The following SAMM50 variants were observed in gnomAD, a reference collection of about 807,000 sequenced individuals.
SAMM50 encodes SAMM50 sorting and assembly machinery component.
Under a neutral mutation model 66.9 loss-of-function variants are expected in SAMM50, and 47 were observed. The ratio of observed to expected loss-of-function variants is 0.70; its 90% CI spans 0.56 to 0.90. SAMM50 has a LOEUF of 0.90. Among genes scored for constraint, SAMM50 ranks in the 40% least tolerant of loss-of-function variants. The probability of loss-of-function intolerance (pLI) is 0.00; values close to 1 mark genes in which losing one functional copy is unlikely to be tolerated. For missense variants in SAMM50, 535 were observed against 595.3 expected, an observed-to-expected ratio of 0.90 and a Z score of 1.05; for synonymous variants, 191 against 214.1, an observed-to-expected ratio of 0.89 and a Z score of 0.94.
chr22:43,967,421 C>T (rs1310465992), intron 3 of SAMM50, among the ~76,000 whole-genome samples: 2 of 152,232 alleles, frequency 1.3e-5, no homozygotes, highest in Non-Finnish European at 2.9e-5. Flanking sequence ...CAGTGCTAAG[C>T]GCCGAGCTGC....
chr22:43,965,444 G>T (rs1043903097), intron 3 of SAMM50, among the ~76,000 whole-genome samples: 3 of 152,086 alleles, frequency 2.0e-5, no homozygotes, highest in African/African-American at 7.2e-5. Flanking sequence ...TTGGCCTCAA[G>T]TGATCCACCT....
Position 43,990,341 on chromosome 22 carries a change from G to T in SAMM50, c.1299G>T (p.Arg433Ser). The change falls in exon 14 of 15, where the codon AGG (arginine) becomes AGT (serine). Residue 433 changes from arginine (R) to serine (S), a missense_variant. Physicochemically the swap from Arg to Ser is moderately radical, Grantham distance 110. Transcript: ENST00000350028. The stretch of plus-strand genomic sequence containing the variant: ...CGTACGGGGCCGGGATTGTCCTCAG[G>T]CTTGGCAACATCGCTCGGTTGGAAC... ...RWSYGAGIVL[R>S]LGNIARLELN... is the part of the protein sequence containing the mutation. The T allele has an allele frequency of 6.2e-7, 1 of 1,614,160 alleles. No homozygotes were observed. Among genetic ancestry groups the T allele is most frequent in the Non-Finnish European group, 8.5e-7 (1 of 1,180,032 alleles).
Position 43,977,943 on chromosome 22 carries a change from A to C in SAMM50, c.921A>C (p.Gln307His), listed in dbSNP as rs755260870. Residue 307 changes from glutamine (Q) to histidine (H), a missense_variant, in exon 10 of 15, where the codon CAA (glutamine) becomes CAC (histidine). Coordinates refer to ENST00000350028, the MANE Select transcript of SAMM50 (RefSeq NM_015380.5). ...ATTTTGAACTTCAGTTGAACAAGCA[A>C]CTCATATTTGATTCAGTGAGTATCT... Reference protein sequence around the residue: ...KEDFELQLNKQLIFDSVFSAS... With the variant: ...KEDFELQLNKHLIFDSVFSAS... 5.0e-6 allele frequency: 8 copies of C among 1,612,142 alleles called. No homozygotes were observed. The highest frequency in any genetic ancestry group is 3.3e-5 in the South Asian group (3 of 90,828).
chr22:43,962,881 ATTTTTTTTTTTTTTTTTTTTT>A (rs58022542), intron 1 of SAMM50, among the ~76,000 whole-genome samples: 6 of 65,506 alleles, frequency 9.2e-5, no homozygotes, highest in Non-Finnish European at 1.3e-4. Flanking sequence ...CTTTTGGTTA[ATTTTTTTTTTTTTTTTTTTTT>A]TTTTTTTTTT....
In SAMM50 at chr22:43,964,456, TTGTTCAACA is replaced by T. The variant is rs756852137; in HGVS notation, c.144_152del (p.Gln48_Val50del). The stretch of plus-strand genomic sequence containing the variant: ...CTGTCCCTGTGTGACTTTTAGGTGG[TTGTTCAACA>T]TGTTCATTTTGATGGACTTGGAAGG... On this transcript the variant is annotated inframe_deletion, in exon 3 of 15. Coordinates refer to ENST00000350028, the MANE Select transcript of SAMM50 (RefSeq NM_015380.5). 1.3e-6 allele frequency: 2 copies of T among 1,589,158 alleles called. No individual in the cohort carries two copies. The highest frequency in any genetic ancestry group is 1.7e-6 in the Non-Finnish European group (2 of 1,157,468).
At chr22:43,967,355 T>C (rs886723834) in intron 3 of SAMM50, among the ~76,000 whole-genome samples, 6 of 152,234 alleles carry the variant, frequency 3.9e-5, no homozygotes, top group African/African-American at 1.4e-4. Context: ...ATCTGTCTGC[T>C]CTGCCTGTCT....
rs757840075 is a variant in SAMM50 at position 43,976,709 on chromosome 22, A to G, written c.778-41A>G. Reference sequence around the variant, plus strand: ...TGAGTGCTCATGGTTATCTAATAGAACTTCTTAAAGTGAAAATATCCCCAT... The same window carrying G: ...TGAGTGCTCATGGTTATCTAATAGAGCTTCTTAAAGTGAAAATATCCCCAT... On this transcript the variant is annotated intron_variant, in intron 8 of 14. Coordinates refer to ENST00000350028, the MANE Select transcript of SAMM50 (RefSeq NM_015380.5). 3 of 1,481,362 alleles carry G rather than the reference A, an allele frequency of 2.0e-6. No individual in the cohort carries two copies. The East Asian group carries it at 6.8e-5, about 34-fold the overall frequency. 91.8% of individuals were successfully genotyped at this position (1,481,362 alleles called of 1,614,324 possible).
chr22:43,989,797 ATC>A (rs2050313477), intron 13 of SAMM50, among the ~76,000 whole-genome samples: 1 of 150,222 alleles, frequency 6.7e-6, no homozygotes, highest in Non-Finnish European at 1.5e-5. Flanking sequence ...ACGAAGAAAA[ATC>A]TGTTTGTCTA....
chr22:43,980,041 C>G (rs937744301), intron 10 of SAMM50, among the ~76,000 whole-genome samples: 3 of 150,472 alleles, frequency 2.0e-5, no homozygotes, highest in Non-Finnish European at 3.0e-5. Flanking sequence ...TGGTAGTGCC[C>G]ATCCATCTAC....
intron 10 of SAMM50, among the ~76,000 whole-genome samples, chr22:43,980,436 T>G: frequency 1.4e-5 from 2 of 145,286 alleles, no homozygotes; most frequent in African/African-American, 2.5e-5. Context: ...TCAGGGAGGG[T>G]GGCTAGTAAG....
At chr22:43,989,283 CAT>C (rs1194804432) in intron 13 of SAMM50, 26 bp downstream of exon 13, 4 of 1,610,864 alleles carry the variant, frequency 2.5e-6, no homozygotes, top group Non-Finnish European at 3.4e-6. Flanking sequence ...TTCAAGAAAC[CAT>C]TGTAGTACAG....
rs548703779 is a variant in SAMM50, at chr22:43,962,328, T to C, written c.22-958T>C. On this transcript the variant is annotated intron_variant, in intron 1 of 14. Coordinates refer to ENST00000350028, the MANE Select transcript of SAMM50 (RefSeq NM_015380.5). ...CTGAACGCATATCACTTTGGCATCA[T>C]TGTAAAGTCAAAAAACTGTAAGTTG... Among the ~76,000 whole-genome samples the C allele has an allele frequency of 3.7e-3, 558 of 152,330 alleles. 1 individual carries two copies. The highest frequency in any genetic ancestry group is 0.013 in the African/African-American group (522 of 41,578).
chr22:43,959,507 TACACAC>T (rs138315774), intron 1 of SAMM50, among the ~76,000 whole-genome samples: 26 of 138,586 alleles, frequency 1.9e-4, no homozygotes, highest in South Asian at 7.4e-4. Flanking sequence ...TTTTTTATAT[TACACAC>T]ACACACACAC....
chr22:43,975,980 T>C, intron 7 of SAMM50, 75 bp from the exon 8 acceptor site: 1 of 1,472,938 alleles, frequency 6.8e-7, no homozygotes, highest in Non-Finnish European at 9.3e-7. Flanking sequence ...TCATGATGCT[T>C]CATTCCAAAA....
rs1409295052 is a variant in SAMM50 at position 43,972,281 on chromosome 22, C to T, written c.368C>T (p.Thr123Ile). The T allele has an allele frequency of 3.7e-6, 6 of 1,606,598 alleles. No individual in the cohort carries two copies. The highest frequency in any genetic ancestry group is 1.3e-5 in the African/African-American group (1 of 74,580). The change falls in exon 5 of 15, where the codon ACT (threonine) becomes ATT (isoleucine). Residue 123 changes from threonine (T) to isoleucine (I), a missense_variant. By Grantham distance (89) the Thr-to-Ile change is moderately conservative (BLOSUM62 -1). Coordinates refer to ENST00000350028, the MANE Select transcript of SAMM50 (RefSeq NM_015380.5). ...GGGTTAGACGTTACCTTTGAAGTAA[C>T]TGAATTGAGGAGATTAACGGGCAGT... The part of the protein sequence containing the change: ...PNGLDVTFEV[T>I]ELRRLTGSYN...
intron 2 of SAMM50, among the ~76,000 whole-genome samples, chr22:43,964,028 C>T (rs2050160693): frequency 6.6e-6 from 1 of 152,132 alleles, no homozygotes; most frequent in Non-Finnish European, 1.5e-5. Context: ...CTGCCTCAGC[C>T]TCCAAAGTAA....
rs765151098 is a variant in SAMM50, at chr22:43,976,039, G to C, written c.649-16G>C. 5.6e-6 allele frequency: 9 copies of C among 1,602,050 alleles called. No individual in the cohort carries two copies. Among genetic ancestry groups the C allele is most frequent in the South Asian group, 2.2e-5 (2 of 90,580 alleles). On this transcript the variant is annotated splice_polypyrimidine_tract_variant and intron_variant, in intron 7 of 14. Transcript: ENST00000350028. ...GTATGTGTGGTCCGGAAAGATGTCTGATCTCCATGTTGCAGTTTCCCATAT... is the reference window on the plus strand; with the variant it reads ...GTATGTGTGGTCCGGAAAGATGTCTCATCTCCATGTTGCAGTTTCCCATAT...
intron 14 of SAMM50, among the ~76,000 whole-genome samples, chr22:43,994,120 A>T (rs2050340097): frequency 6.6e-6 from 1 of 152,144 alleles, no homozygotes; most frequent in South Asian, 2.1e-4. Flanking sequence ...CAGGTCCCTG[A>T]GCTGAATCTT....
intron 6 of SAMM50, 95 bp from the exon 7 acceptor site, chr22:43,973,139 TGA>T: frequency 7.5e-7 from 1 of 1,339,074 alleles, no homozygotes; most frequent in Non-Finnish European, 1.1e-6. Context: ...CTCTTGAAGA[TGA>T]GCCCTACGGG....
Sources: allele counts gnomAD v4.1 joint callset (sites outside exome capture counted in the v4.1 genomes callset), GRCh38; gene constraint gnomAD v4.1.1; transcripts MANE v1.5; gene names NCBI Gene and HGNC (gene_info 2026-07-23, HGNC 2026-07-21).